The following RIMBP2 variants were observed in gnomAD, a reference collection of about 807,000 sequenced individuals.
RIMBP2 encodes the protein RIMS binding protein 2.
A neutral mutation model predicts 118.6 loss-of-function variants in RIMBP2; 48 were observed. The ratio of observed to expected loss-of-function variants is 0.40; its 90% CI spans 0.32 to 0.51. RIMBP2 has a LOEUF of 0.51. Ranked by LOEUF, RIMBP2 falls within the 20% of genes least tolerant of loss-of-function variation. The pLI, the probability that RIMBP2 is intolerant of heterozygous loss-of-function variation, is 0.41. For synonymous variants in RIMBP2, 762 were observed against 742.9 expected (o/e 1.03, Z -0.42); for missense variants, 1,551 against 1,768.3 (o/e 0.88, Z 2.20).
In RIMBP2 at chr12:130,716,211, T is replaced by A. The variant is rs1352965997; in HGVS notation, c.-352+11A>T. 4 of 151,760 alleles carry A rather than the reference T, an allele frequency of 2.6e-5. No individual in the cohort carries two copies. The highest frequency in any genetic ancestry group is 5.9e-5 in the Non-Finnish European group (4 of 67,972). 9.4% of individuals were successfully genotyped at this position (151,760 alleles called of 1,614,324 possible). ...GCTATTTTTAGGAGAAAAAAATAAA[T>A]CTCAGCCTACCTTTAGAAGCGAGCT... On this transcript the variant is annotated intron_variant, in intron 1 of 22. Transcript: ENST00000690449.
rs759346101 is a variant in RIMBP2 at position 130,396,918 on chromosome 12, A to G, written c.*443T>C. On this transcript the variant is annotated 3_prime_UTR_variant, in exon 23 of 23. Coordinates refer to ENST00000690449, the MANE Select transcript of RIMBP2 (RefSeq NM_001393629.1). Reference sequence around the variant, plus strand: ...AAATCATTGTGCATTTATAAGGCAGAACATCAAGGCGAATTAAACTAGGAA... The same window carrying G: ...AAATCATTGTGCATTTATAAGGCAGGACATCAAGGCGAATTAAACTAGGAA... 1 of 152,742 alleles carries G rather than the reference A, an allele frequency of 6.5e-6. No individual in the cohort carries two copies. The highest frequency in any genetic ancestry group is 1.5e-5 in the Non-Finnish European group (1 of 68,282). The allele number at this position is 152,742 out of a possible 1,614,324, so 9.5% of individuals were successfully genotyped here.
In RIMBP2 at chr12:130,470,662, C is replaced by A. The variant is rs916229902; in HGVS notation, c.153+31G>T. On this transcript the variant is annotated intron_variant, in intron 6 of 22. Transcript: ENST00000690449. Reference sequence around the variant, plus strand: ...GCAACTCTCCCCAACGTCCCCCACCCCCGGGCAGAAAGCAGGGGCACGCTC... The same window carrying A: ...GCAACTCTCCCCAACGTCCCCCACCACCGGGCAGAAAGCAGGGGCACGCTC... 3.6e-5 allele frequency: 44 copies of A among 1,222,548 alleles called. No individual in the cohort carries two copies. The East Asian group carries it at 1.2e-3, about 33-fold the overall frequency. The allele number at this position is 1,222,548 out of a possible 1,614,324, so 75.7% of individuals were successfully genotyped here. A position where few individuals can be genotyped will look rare whatever the true frequency, so the allele number is the denominator to read the frequency against.
chr12:130,524,768 T>C (rs2052583766), intron 2 of RIMBP2, among the ~76,000 whole-genome samples: 1 of 151,954 alleles, frequency 6.6e-6, no homozygotes, highest in South Asian at 2.1e-4. Context: ...AGAATTGAGA[T>C]TATGGCAGCA....
intron 1 of RIMBP2, among the ~76,000 whole-genome samples, chr12:130,694,464 T>G (rs1593021290): frequency 6.6e-6 from 1 of 152,246 alleles, no homozygotes; most frequent in East Asian, 1.9e-4. Flanking sequence ...TCCTCACTGC[T>G]GCTCGTGATC....
Position 130,470,755 on chromosome 12 carries a change from TGAAAAGAGA to T in RIMBP2, c.103-21_103-13del. 8.1e-7 allele frequency: 1 copy of T among 1,229,838 alleles called. No individual in the cohort carries two copies. Among genetic ancestry groups the T allele is most frequent in the Non-Finnish European group, 1.0e-6 (1 of 986,084 alleles). 76.2% of individuals were successfully genotyped at this position (1,229,838 alleles called of 1,614,324 possible). A position where few individuals can be genotyped will look rare whatever the true frequency, so the allele number is the denominator to read the frequency against. On this transcript the variant is annotated splice_polypyrimidine_tract_variant and intron_variant, in intron 5 of 22. Transcript: ENST00000690449. ...GCCTCAACCTGAGCCTTTTTTATGA[TGAAAAGAGA>T]GAAAAGAGTAAATGTCCAAAGGGGA...
chr12:130,462,496 C>T (rs1248857224), intron 6 of RIMBP2, among the ~76,000 whole-genome samples: 1 of 152,142 alleles, frequency 6.6e-6, no homozygotes, highest in Non-Finnish European at 1.5e-5. Context: ...AACGGGCATT[C>T]GTTGGTTAAA....
intron 2 of RIMBP2, among the ~76,000 whole-genome samples, chr12:130,572,175 A>C (rs1251702249): frequency 1.2e-5 from 1 of 86,776 alleles, no homozygotes; most frequent in Non-Finnish European, 3.2e-5. Flanking sequence ...AAGGAAACTT[A>C]GCACGGGTGA....
At chr12:130,542,287 A>C (rs181135729) in intron 2 of RIMBP2, among the ~76,000 whole-genome samples, 1 of 150,120 alleles carries the variant, frequency 6.7e-6, no homozygotes, top group Non-Finnish European at 1.5e-5. Context: ...AGCAGCAGGA[A>C]GTGACTGCAG....
At chr12:130,615,914 T>C (rs1179031827) in intron 2 of RIMBP2, among the ~76,000 whole-genome samples, 3 of 152,204 alleles carry the variant, frequency 2.0e-5, no homozygotes, top group African/African-American at 4.8e-5. Context: ...ACAAGCTACA[T>C]GGAGAAGTCC....
At position 130,640,188 on chromosome 12, in the gene RIMBP2, C is replaced by T. The variant is rs539575858; in HGVS notation, c.-351-11732G>A. Among the ~76,000 whole-genome samples, 7 of 152,306 alleles carry T rather than the reference C, an allele frequency of 4.6e-5. No individual in the cohort carries two copies. In the South Asian group the frequency reaches 1.5e-3, roughly 32 times the overall value. ...ACCGCCTAGAACCAACCTTGCTGCTCAAGGAAACAGCTCAGAGAACAGGAC... is the reference window on the plus strand; with the variant it reads ...ACCGCCTAGAACCAACCTTGCTGCTTAAGGAAACAGCTCAGAGAACAGGAC... On this transcript the variant is annotated intron_variant, in intron 1 of 22. Coordinates refer to ENST00000690449, the MANE Select transcript of RIMBP2 (RefSeq NM_001393629.1).
Position 130,713,222 on chromosome 12 carries a change from G to A in RIMBP2, c.-352+3000C>T, listed in dbSNP as rs1394980780. ...GGAAGGAAGGAAGATAGGAAGGAAG[G>A]AAGGAAGGAAGGAAGGAAGGAAGGA... On this transcript the variant is annotated intron_variant, in intron 1 of 22. Transcript: ENST00000690449. Among the ~76,000 whole-genome samples the A allele has an allele frequency of 3.4e-4, 36 of 106,850 alleles. 2 individuals are homozygous for A. The highest frequency in any genetic ancestry group is 5.4e-4 in the African/African-American group (12 of 22,170). 70.1% of individuals were successfully genotyped at this position (106,850 alleles called of 152,430 possible).
At chr12:130,644,699 T>G (rs1382364586) in intron 1 of RIMBP2, among the ~76,000 whole-genome samples, 2 of 152,118 alleles carry the variant, frequency 1.3e-5, no homozygotes, top group East Asian at 3.9e-4. Context: ...GCGAGTGACG[T>G]CGGAAAAGCC....
intron 17 of RIMBP2, among the ~76,000 whole-genome samples, chr12:130,415,048 T>G (rs1408043573): frequency 6.6e-6 from 1 of 152,282 alleles, no homozygotes; most frequent in Admixed American, 6.5e-5. Context: ...CCCTAACTCA[T>G]TCTATGAAGC....
At chr12:130,582,150 G>A (rs971065069) in intron 2 of RIMBP2, among the ~76,000 whole-genome samples, 15 of 152,126 alleles carry the variant, frequency 9.9e-5, no homozygotes, top group Non-Finnish European at 7.4e-5. Flanking sequence ...TGTCTCCATA[G>A]CACTCCCTAC....
chr12:130,607,431 T>G (rs1479903647), intron 2 of RIMBP2, among the ~76,000 whole-genome samples: 1 of 152,034 alleles, frequency 6.6e-6, no homozygotes, highest in Non-Finnish European at 1.5e-5. Context: ...TTCCTTGAAT[T>G]TGCCACACAG....
At chr12:130,462,411 T>A (rs2080080379) in intron 6 of RIMBP2, among the ~76,000 whole-genome samples, 2 of 152,212 alleles carry the variant, frequency 1.3e-5, no homozygotes, top group South Asian at 4.1e-4. Context: ...GCCCCGAGGA[T>A]GCCTGCCCGG....
In RIMBP2 at chr12:130,617,902, T is replaced by A. The variant is rs2061045694; in HGVS notation, c.-217+10420A>T. ...TAGAACTGGGAGATTCTTAGAAACATCTAACTCGGCCGGGTGTGGTGGCCC... is the reference window on the plus strand; with the variant it reads ...TAGAACTGGGAGATTCTTAGAAACAACTAACTCGGCCGGGTGTGGTGGCCC... On this transcript the variant is annotated intron_variant, in intron 2 of 22. Coordinates refer to ENST00000690449, the MANE Select transcript of RIMBP2 (RefSeq NM_001393629.1). The surrounding 1 kb of genome is among the most constrained non-coding windows in gnomAD (Gnocchi z 4.6). Among the ~76,000 whole-genome samples the A allele has an allele frequency of 6.6e-6, 1 of 151,654 alleles. No individual in the cohort carries two copies. The highest frequency in any genetic ancestry group is 1.5e-5 in the Non-Finnish European group (1 of 67,924).
intron 1 of RIMBP2, among the ~76,000 whole-genome samples, chr12:130,714,018 G>A (rs1950150991): frequency 6.6e-6 from 1 of 152,222 alleles, no homozygotes; most frequent in Admixed American, 6.5e-5. Context: ...TGCTGGATCA[G>A]AGGTTCTGAG....
At chr12:130,540,822 G>T (rs2054539844) in intron 2 of RIMBP2, among the ~76,000 whole-genome samples, 2 of 152,198 alleles carry the variant, frequency 1.3e-5, no homozygotes, top group Non-Finnish European at 2.9e-5. Context: ...TTTCTGCGTG[G>T]TGAGCAGTAG....
Sources: allele counts gnomAD v4.1 joint callset (sites outside exome capture counted in the v4.1 genomes callset), GRCh38; gene constraint gnomAD v4.1.1; non-coding constraint Gnocchi (gnomAD v3.1); transcripts MANE v1.5; gene names NCBI Gene and HGNC (gene_info 2026-07-23, HGNC 2026-07-21).